The following ABCA1 variants were observed in gnomAD, a reference collection of about 807,000 sequenced individuals.
The protein encoded by ABCA1 is ATP binding cassette subfamily A member 1.
ABCA1 carries 133 observed loss-of-function variants against 262.5 expected under a neutral mutation model. The observed-to-expected ratio is 0.51, with a 90% CI of 0.44 to 0.59. The LOEUF is 0.59. ABCA1 is among the 20% of genes least tolerant of loss of function. The pLI, the probability that ABCA1 is intolerant of heterozygous loss-of-function variation, is 0.00. For missense variants in ABCA1, 2,452 were observed against 2,777.5 expected (o/e 0.88, Z 2.63); for synonymous variants, 1,022 against 1,043.5 (o/e 0.98, Z 0.40).
intron 28 of ABCA1, among the ~76,000 whole-genome samples, chr9:104,812,146 T>A (rs1455155866): frequency 6.6e-6 from 1 of 152,196 alleles, no homozygotes; most frequent in Non-Finnish European, 1.5e-5. Flanking sequence ...TTCTAATAAA[T>A]TCACATGTCA....
chr9:104,862,682 GCCGGGCCGGGCCGGGCCGGCCCCCACC>G (rs1836684137), intron 5 of ABCA1, among the ~76,000 whole-genome samples: 1 of 1,808 alleles, frequency 5.5e-4, no homozygotes, highest in Non-Finnish European at 1.2e-3. Context: ...GCCGGGCCGG[GCCGGGCCGGGCCGGGCCGGCCCCCACC>G]CCCACCCCCA....
At chr9:104,926,557 G>T (rs984788378) in intron 1 of ABCA1, among the ~76,000 whole-genome samples, 3 of 151,996 alleles carry the variant, frequency 2.0e-5, no homozygotes, top group African/African-American at 7.3e-5. Flanking sequence ...ATTCACAGTC[G>T]GAACCGCGAG....
chr9:104,844,382 C>A (rs995617048), intron 8 of ABCA1, among the ~76,000 whole-genome samples: 3 of 149,638 alleles, frequency 2.0e-5, no homozygotes, highest in Admixed American at 6.7e-5. Flanking sequence ...GGAAAAGGAA[C>A]CCAAAAGTCA....
intron 5 of ABCA1, among the ~76,000 whole-genome samples, chr9:104,864,625 ACGT>A (rs1836924165): frequency 6.6e-6 from 1 of 152,092 alleles, no homozygotes. Flanking sequence ...AACAGAATAC[ACGT>A]ATTAGCTAAC....
chr9:104,892,536 C>T (rs1839838675), intron 2 of ABCA1, among the ~76,000 whole-genome samples: 1 of 152,106 alleles, frequency 6.6e-6, no homozygotes, highest in Non-Finnish European at 1.5e-5. Flanking sequence ...TCCCCAGGTA[C>T]TTTGTGTCTG....
chr9:104,858,096 T>G (rs982566729), intron 7 of ABCA1, among the ~76,000 whole-genome samples: 2 of 152,214 alleles, frequency 1.3e-5, no homozygotes, highest in African/African-American at 4.8e-5. Flanking sequence ...GCCTTCCAAC[T>G]GTGACAGCCC....
chr9:104,884,802 G>A (rs1839007632), intron 3 of ABCA1, among the ~76,000 whole-genome samples: 1 of 152,200 alleles, frequency 6.6e-6, no homozygotes, highest in African/African-American at 2.4e-5. Context: ...CAGCGTTGGA[G>A]AAGTGATGAG....
intron 5 of ABCA1, among the ~76,000 whole-genome samples, chr9:104,874,314 G>A (rs1182335508): frequency 6.6e-6 from 1 of 152,286 alleles, no homozygotes; most frequent in African/African-American, 2.4e-5. Context: ...CGCACCTGAA[G>A]TCAAGAGTTC....
intron 5 of ABCA1, among the ~76,000 whole-genome samples, chr9:104,874,695 C>A (rs894955948): frequency 6.6e-6 from 1 of 152,154 alleles, no homozygotes; most frequent in African/African-American, 2.4e-5. Context: ...TCGAGACCAG[C>A]CTGACCAACA....
chr9:104,901,593 C>T (rs1350093979), intron 2 of ABCA1, among the ~76,000 whole-genome samples: 1 of 152,120 alleles, frequency 6.6e-6, no homozygotes, highest in Non-Finnish European at 1.5e-5. Flanking sequence ...AGGACTGGAA[C>T]ACCAAGACCT....
chr9:104,865,515 C>CAAAAA (rs925876847), intron 5 of ABCA1, among the ~76,000 whole-genome samples: 1 of 66,974 alleles, frequency 1.5e-5, no homozygotes, highest in African/African-American at 5.4e-5. Flanking sequence ...GACTCTGTCT[C>CAAAAA]AAAAAAAAAA....
At chr9:104,841,196 G>A (rs1299391096) in intron 8 of ABCA1, among the ~76,000 whole-genome samples, 1 of 152,176 alleles carries the variant, frequency 6.6e-6, no homozygotes, top group Non-Finnish European at 1.5e-5. Flanking sequence ...AGTACTTTGG[G>A]AGGTCGAGGC....
intron 2 of ABCA1, among the ~76,000 whole-genome samples, chr9:104,897,667 A>G (rs182500810): frequency 2.2e-3 from 328 of 152,294 alleles, no homozygotes; most frequent in Middle Eastern, 6.8e-3. Flanking sequence ...CAGTGGTGCA[A>G]TCTTGGCTCA....
rs1831852513 is a variant in ABCA1 at position 104,817,199 on chromosome 9, C to A, written c.3535+133G>T. On this transcript the variant is annotated intron_variant, in intron 24 of 49. Transcript: ENST00000374736. The surrounding 1 kb of genome is among the most constrained non-coding windows in gnomAD (Gnocchi z 4.7). ...CACCAAGCTGCTCCCACACCCGCAG[C>A]CACCCAGCCCCAGCCCAGCAGCAAA... The A allele has an allele frequency of 1.3e-6, 2 of 1,570,650 alleles. 1 individual carries two copies. Among genetic ancestry groups the A allele is most frequent in the Middle Eastern group, 4.3e-4 (2 of 4,610 alleles).
In ABCA1 at chr9:104,827,106, C is replaced by T; in HGVS notation, c.2179G>A (p.Val727Met). The change falls in exon 16 of 50, where the codon GTG (valine) becomes ATG (methionine). Residue 727 changes from valine to methionine, a missense_variant. Physicochemically the swap from Val to Met is conservative, Grantham distance 21. Around this residue, in one of 4 missense-constraint regions of ABCA1, gnomAD observed 1,032 missense variants for 1,089.7 expected, o/e 0.95. Coordinates refer to ENST00000374736, the MANE Select transcript of ABCA1 (RefSeq NM_005502.4). ...AGGAAGCACTGCAGGATTGTCACCA[C>T]AGCAAACACGGACAGGAAGACAAAC... is the stretch of plus-strand genomic sequence containing the variant. Reference protein sequence around the residue: ...VVFVFLSVFAVVTILQCFLIS... With the variant: ...VVFVFLSVFAMVTILQCFLIS... The T allele has an allele frequency of 6.2e-7, 1 of 1,614,204 alleles. No individual in the cohort carries two copies. The highest frequency in any genetic ancestry group is 8.5e-7 in the Non-Finnish European group (1 of 1,180,032).
intron 24 of ABCA1, 139 bp from the exon 25 acceptor site, chr9:104,816,484 G>A: frequency 1.2e-6 from 1 of 806,536 alleles, no homozygotes; most frequent in South Asian, 1.4e-5. Context: ...CATTCCACAT[G>A]TTCATCTCTG....
At chr9:104,833,891 G>A (rs1225263774) in intron 11 of ABCA1, among the ~76,000 whole-genome samples, 1 of 152,088 alleles carries the variant, frequency 6.6e-6, no homozygotes, top group Non-Finnish European at 1.5e-5. Context: ...GATCCAGAGG[G>A]GCCGAGGCAG....
chr9:104,858,513 T>C lies in ABCA1; in HGVS notation c.720+9A>G, dbSNP rs1171928945. The C allele has an allele frequency of 6.2e-6, 10 of 1,612,892 alleles. No individual in the cohort carries two copies. The highest frequency in any genetic ancestry group is 8.5e-6 in the Non-Finnish European group (10 of 1,179,514). ...GCTTGAAGTTTCTCCAGTGAGCAAGTCTACTCACCAGGATTGGCTTCAGGA... is the reference window on the plus strand; with the variant it reads ...GCTTGAAGTTTCTCCAGTGAGCAAGCCTACTCACCAGGATTGGCTTCAGGA... On this transcript the variant is annotated intron_variant, in intron 7 of 49. Transcript: ENST00000374736.
chr9:104,849,438 C>T (rs139391697), intron 7 of ABCA1, among the ~76,000 whole-genome samples: 2 of 152,218 alleles, frequency 1.3e-5, no homozygotes, highest in African/African-American at 2.4e-5. Flanking sequence ...CTGAACCCAC[C>T]CATGAGTAAT....
Sources: gnomAD v4.1 joint callset for allele counts (sites outside exome capture counted in the v4.1 genomes callset) on GRCh38, gnomAD v4.1.1 for gene constraint, gnomAD v4.1.1 regional missense constraint, Gnocchi (gnomAD v3.1) non-coding constraint, MANE v1.5 for transcripts, NCBI Gene and HGNC (gene_info 2026-07-23, HGNC 2026-07-21) for gene names.